TBC1D13: variants seen among roughly 807,000 people sequenced by gnomAD.
TBC1D13 encodes epididymis secretory sperm binding protein.
TBC1D13 carries 40 observed loss-of-function variants against 53.6 expected under a neutral mutation model. The observed-to-expected ratio is 0.75, with a 90% confidence interval of 0.58 to 0.97. TBC1D13 has a LOEUF of 0.97. Ranked by LOEUF, TBC1D13 falls within the 50% of genes least tolerant of loss-of-function variation. The pLI is 0.00. For synonymous variants in TBC1D13, 182 were observed against 197.7 expected (o/e 0.92, Z 0.67); for missense variants, 377 against 499.4 (o/e 0.75, Z 2.34).
intron 5 of TBC1D13, 66 bp from the exon 6 acceptor site, chr9:128,792,426 C>T (rs3750322): frequency 0.037 from 53,765 of 1,463,910 alleles, 1,119 homozygotes; most frequent in Middle Eastern, 0.07. Context: ...CTCAGGTTTC[C>T]GGGATAGAAT....
At position 128,805,805 on chromosome 9, in the gene TBC1D13, T is replaced by A. The variant is rs1829820282; in HGVS notation, c.919-54T>A. 1.9e-6 allele frequency: 3 copies of A among 1,581,624 alleles called. No homozygotes were observed. The Admixed American group carries it at 5.1e-5, about 27-fold the overall frequency. ...TTCTGACCCACTGCGTGGTGCTCCA[T>A]GGCCGGCAGCCAACACAGAGTCATG... is the stretch of plus-strand genomic sequence containing the variant. On this transcript the variant is annotated intron_variant, in intron 9 of 11. Transcript: ENST00000372648.
At chr9:128,796,252 A>ATT (rs558315205) in intron 6 of TBC1D13, among the ~76,000 whole-genome samples, 3 of 143,166 alleles carry the variant, frequency 2.1e-5, no homozygotes, top group African/African-American at 2.6e-5. Flanking sequence ...CGCCTGGCTA[A>ATT]TTTTTTTTTT....
chr9:128,807,973 A>AG lies in TBC1D13; in HGVS notation c.*98dup, dbSNP rs1349745218. On this transcript the variant is annotated 3_prime_UTR_variant, in exon 12 of 12. Coordinates refer to ENST00000372648, the MANE Select transcript of TBC1D13 (RefSeq NM_018201.5). The stretch of plus-strand genomic sequence containing the variant: ...TAGAAACCTGTAGGAACCCAGCCTG[A>AG]GGGGAAGCCACAGGATCGGCCCGAG... 44 of 1,241,618 alleles carry AG rather than the reference A, an allele frequency of 3.5e-5. No homozygotes were observed. Among genetic ancestry groups the AG allele is most frequent in the Non-Finnish European group, 4.9e-5 (42 of 856,026 alleles). 76.9% of individuals were successfully genotyped at this position (1,241,618 alleles called of 1,614,324 possible).
chr9:128,787,417 G>T, intron 1 of TBC1D13, 41 bp downstream of exon 1: 1 of 1,250,878 alleles, frequency 8.0e-7, no homozygotes, highest in East Asian at 3.1e-5. Flanking sequence ...GCCACTCCTG[G>T]CCAGGCTGCC....
intron 9 of TBC1D13, among the ~76,000 whole-genome samples, chr9:128,805,026 G>T (rs1159974443): frequency 1.3e-5 from 2 of 152,140 alleles, no homozygotes; most frequent in African/African-American, 4.8e-5. Context: ...ACTGTGCCTG[G>T]CTGGCCAGGA....
intron 7 of TBC1D13, among the ~76,000 whole-genome samples, chr9:128,798,369 A>T (rs751653629): frequency 3.9e-5 from 6 of 152,190 alleles, no homozygotes; most frequent in African/African-American, 9.7e-5. Context: ...GGCTAGAAGC[A>T]GAGAGCGAGT....
Position 128,806,345 on chromosome 9 carries a change from C to T in TBC1D13, c.1137+34C>T, listed in dbSNP as rs1232577611. On this transcript the variant is annotated intron_variant, in intron 11 of 11. Coordinates refer to ENST00000372648, the MANE Select transcript of TBC1D13 (RefSeq NM_018201.5). ...AGTTGGGGGCAGGCTCAGCCACTGC[C>T]ATGAGGCTGGCACTCGCCAGGCACC... is the stretch of plus-strand genomic sequence containing the variant. 1.9e-6 allele frequency: 3 copies of T among 1,612,694 alleles called. No individual in the cohort carries two copies. The Admixed American group carries it at 5.0e-5, about 27-fold the overall frequency.
In TBC1D13 at chr9:128,795,965, A is replaced by G. The variant is rs575063131; in HGVS notation, c.384-1090A>G. On this transcript the variant is annotated intron_variant, in intron 6 of 11. Transcript: ENST00000372648. ...AGTTAGGTTGTATGACCATAATGAC[A>G]CTTTAAAAAAAAAGTATATATCTAT... Among the ~76,000 whole-genome samples, 4 of 152,284 alleles carry G rather than the reference A, an allele frequency of 2.6e-5. No homozygotes were observed. In the South Asian group the frequency reaches 8.3e-4, roughly 32 times the overall value.
chr9:128,787,722 G>A (rs1397928747), intron 1 of TBC1D13, among the ~76,000 whole-genome samples: 1 of 136,272 alleles, frequency 7.3e-6, no homozygotes, highest in Non-Finnish European at 1.5e-5. Flanking sequence ...CCTGTCCCCC[G>A]TGCCTTTTTC....
At chr9:128,794,278 G>C (rs1389078994) in intron 6 of TBC1D13, among the ~76,000 whole-genome samples, 2 of 152,280 alleles carry the variant, frequency 1.3e-5, no homozygotes, top group African/African-American at 2.4e-5. Context: ...CTCATCTTCA[G>C]ATGGCCCCAT....
At chr9:128,789,840 GAAATAGTC>G (rs1455327387) in intron 2 of TBC1D13, 1 of 82,452 alleles carries the variant, frequency 1.2e-5, no homozygotes, top group African/African-American at 4.5e-5. Flanking sequence ...CAGATGCTAT[GAAATAGTC>G]ACAGAGCCAT....
chr9:128,798,857 C>CT (rs1169477582), intron 7 of TBC1D13, among the ~76,000 whole-genome samples: 9 of 152,212 alleles, frequency 5.9e-5, no homozygotes, highest in Middle Eastern at 3.4e-3. Context: ...TGGGGAATGA[C>CT]TTTGTTTTTT....
chr9:128,806,389 C>T (rs1037751558), intron 11 of TBC1D13, 78 bp downstream of exon 11: 143 of 1,547,870 alleles, frequency 9.2e-5, no homozygotes, highest in East Asian at 2.5e-4. Context: ...CCAGCTGCTG[C>T]GACAGGCTGG....
intron 9 of TBC1D13, among the ~76,000 whole-genome samples, chr9:128,804,327 G>T (rs1024014722): frequency 6.6e-6 from 1 of 152,152 alleles, no homozygotes; most frequent in African/African-American, 2.4e-5. Flanking sequence ...TGCCCATTGT[G>T]TGCCAGGCAT....
Position 128,787,375 on chromosome 9 carries a change from C to G in TBC1D13, c.22C>G (p.Arg8Gly). MSSLHKS[R>G]IADFQDVLKE... ...CACCATGTCAAGTCTGCACAAGAGC[C>G]GGTAAGGGGCCATGGGGCCTGACCC... The change falls in exon 1 of 12, where the codon CGA (arginine) becomes GGA (glycine). Residue 8 changes from arginine (R) to glycine (G), a missense_variant and splice_region_variant. Coordinates refer to ENST00000372648, the MANE Select transcript of TBC1D13 (RefSeq NM_018201.5). The G allele has an allele frequency of 7.9e-7, 1 of 1,259,716 alleles. No individual in the cohort carries two copies. Among genetic ancestry groups the G allele is most frequent in the Non-Finnish European group, 1.0e-6 (1 of 994,460 alleles). 78.0% of individuals were successfully genotyped at this position (1,259,716 alleles called of 1,614,324 possible).
chr9:128,792,132 A>C (rs1322732894), intron 5 of TBC1D13, among the ~76,000 whole-genome samples: 1 of 152,236 alleles, frequency 6.6e-6, no homozygotes, highest in Non-Finnish European at 1.5e-5. Flanking sequence ...AGCATCGATG[A>C]ATGAGAGCCG....
chr9:128,790,890 G>A (rs1380382629), intron 3 of TBC1D13, 115 bp downstream of exon 3: 2 of 1,144,718 alleles, frequency 1.7e-6, no homozygotes, highest in Non-Finnish European at 2.4e-6. Flanking sequence ...TTGCTTGTCT[G>A]AGGGAGCTTT....
At chr9:128,797,298 C>A in intron 7 of TBC1D13, 84 bp downstream of exon 7, 2 of 1,412,054 alleles carry the variant, frequency 1.4e-6, no homozygotes, top group Non-Finnish European at 1.9e-6. Flanking sequence ...CACAAGGTGT[C>A]GGGCCATGAC....
intron 7 of TBC1D13, among the ~76,000 whole-genome samples, chr9:128,797,961 A>T (rs760351249): frequency 3.3e-5 from 5 of 151,998 alleles, no homozygotes; most frequent in Admixed American, 6.6e-5. Flanking sequence ...AAATACAAAA[A>T]TTTGGCCCTG....
Sources: allele counts gnomAD v4.1 joint callset (sites outside exome capture counted in the v4.1 genomes callset), GRCh38; gene constraint gnomAD v4.1.1; transcripts MANE v1.5; gene names NCBI Gene and HGNC (gene_info 2026-07-23, HGNC 2026-07-21).